The following EDA2R variants were observed in gnomAD, a reference collection of about 807,000 sequenced individuals.
The protein encoded by EDA2R is ectodysplasin A2 receptor, also known as tumor necrosis factor receptor superfamily member 27.
EDA2R carries 26 observed loss-of-function variants against 20.1 expected under a neutral mutation model. The observed-to-expected ratio is 1.30, with a 90% CI of 0.95 to 1.80. The LOEUF is 1.80. EDA2R is among the 40% of genes most tolerant of loss of function. EDA2R has a pLI of 0.00. For missense variants in EDA2R, 277 were observed against 228.7 expected (o/e 1.21, Z -1.36); for synonymous variants, 114 against 88.7 (o/e 1.29, Z -1.60).
chrX:66,629,676 C>A (rs1933517597), intron 1 of EDA2R, among the ~76,000 whole-genome samples: 1 of 111,600 alleles, frequency 9.0e-6, no homozygotes, highest in Non-Finnish European at 1.9e-5. Flanking sequence ...CACAACAGTG[C>A]TGAAAGAAAT....
rs1434845145 is a variant in EDA2R at position 66,615,924 on chromosome X, G to C, written c.87+10C>G. On this transcript the variant is annotated intron_variant, in intron 2 of 6. Coordinates refer to ENST00000374719, the MANE Select transcript of EDA2R (RefSeq NM_021783.5). The stretch of plus-strand genomic sequence containing the variant: ...CAACAGAAATAAGTGTACTGAATAG[G>C]ATAACTTACCTTGGATAGCTCCTGT... 1 of 1,197,223 alleles carries C rather than the reference G, an allele frequency of 8.4e-7. No homozygotes were observed. Among genetic ancestry groups the C allele is most frequent in the Non-Finnish European group, 1.1e-6 (1 of 884,588 alleles).
chrX:66,601,341 G>A (rs1928564125), intron 5 of EDA2R, among the ~76,000 whole-genome samples: 1 of 111,783 alleles, frequency 8.9e-6, no homozygotes, highest in South Asian at 3.8e-4. Context: ...TGGGACACTG[G>A]CCTCCAAAGT....
chrX:66,610,622 G>A (rs1930577132), intron 2 of EDA2R, among the ~76,000 whole-genome samples: 1 of 111,603 alleles, frequency 9.0e-6, no homozygotes, highest in Non-Finnish European at 1.9e-5. Context: ...AAACATTTTT[G>A]AAGCAACTAC....
intron 1 of EDA2R, among the ~76,000 whole-genome samples, chrX:66,634,438 T>G (rs1488876957): frequency 1.8e-5 from 2 of 111,372 alleles, no homozygotes; most frequent in Non-Finnish European, 3.8e-5. Flanking sequence ...CATCCAGCTC[T>G]ACTTGAAGTC....
intron 1 of EDA2R, among the ~76,000 whole-genome samples, chrX:66,636,030 A>G (rs1321403197): frequency 9.1e-6 from 1 of 110,132 alleles, no homozygotes; most frequent in Admixed American, 9.6e-5. Context: ...CCTCCCAAGT[A>G]GCGGGCACTA....
At chrX:66,619,389 T>C (rs745988112) in intron 1 of EDA2R, among the ~76,000 whole-genome samples, 2 of 112,235 alleles carry the variant, frequency 1.8e-5, no homozygotes, top group Non-Finnish European at 3.8e-5. Context: ...TCCGAGACAA[T>C]TGCCTTTGAA....
intron 5 of EDA2R, among the ~76,000 whole-genome samples, chrX:66,600,628 T>G (rs755245875): frequency 8.0e-5 from 9 of 112,048 alleles, no homozygotes; most frequent in African/African-American, 2.9e-4. Context: ...ACTGAACTTC[T>G]GAGCTATGGA....
At position 66,602,750 on chromosome X, in the gene EDA2R, G is replaced by C. The variant is rs200503724; in HGVS notation, c.400C>G (p.Pro134Ala). The change falls in exon 5 of 7, where the codon CCT (proline) becomes GCT (alanine). Residue 134 changes from proline to alanine, a missense_variant. By Grantham distance (27) the Pro-to-Ala change is conservative (BLOSUM62 -1). Coordinates refer to ENST00000374719, the MANE Select transcript of EDA2R (RefSeq NM_021783.5). ...AGTGCAACAAGTGTGGCCTCCTGAG[G>C]GGGCACTGTGGGTGTATCTGCCTCC... ...LVEADTPTVP[P>A]QEATLVALVS... is the part of the protein sequence containing the mutation. 3 of 1,196,614 alleles carry C rather than the reference G, an allele frequency of 2.5e-6. No individual in the cohort carries two copies. Among genetic ancestry groups the C allele is most frequent in the Non-Finnish European group, 2.3e-6 (2 of 887,691 alleles).
Position 66,601,723 on chromosome X carries a change from T to C in EDA2R, c.517+910A>G, listed in dbSNP as rs751933030. Among the ~76,000 whole-genome samples, 7 of 111,419 alleles carry C rather than the reference T, an allele frequency of 6.3e-5. No homozygotes were observed. The South Asian group carries it at 2.7e-3, about 43-fold the overall frequency. The stretch of plus-strand genomic sequence containing the variant: ...TCTCTGATCTGAGTTCCTGTTTCAG[T>C]GTCCCTGCCTAACTCTCAGTTCCCT... On this transcript the variant is annotated intron_variant, in intron 5 of 6. Transcript: ENST00000374719.
chrX:66,618,530 C>T (rs1932092894), intron 1 of EDA2R, among the ~76,000 whole-genome samples: 2 of 112,324 alleles, frequency 1.8e-5, no homozygotes, highest in Non-Finnish European at 3.8e-5. Context: ...CAAAGTATCA[C>T]AAAGGATGTG....
intron 2 of EDA2R, among the ~76,000 whole-genome samples, chrX:66,612,289 A>G (rs1930888799): frequency 8.9e-6 from 1 of 112,155 alleles, no homozygotes; most frequent in Admixed American, 9.5e-5. Flanking sequence ...ATATGGTTGT[A>G]TAAAATGTAC....
chrX:66,616,873 G>A (rs1931782776), intron 1 of EDA2R, among the ~76,000 whole-genome samples: 1 of 112,213 alleles, frequency 8.9e-6, no homozygotes, highest in Admixed American at 9.4e-5. Flanking sequence ...GGGATAGAAT[G>A]TTCTTCACCT....
chrX:66,633,571 G>C (rs1412136210), intron 1 of EDA2R, among the ~76,000 whole-genome samples: 1 of 111,220 alleles, frequency 9.0e-6, no homozygotes, highest in Non-Finnish European at 1.9e-5. Context: ...TATGATTGTT[G>C]TTACTATCCC....
intron 4 of EDA2R, 105 bp downstream of exon 4, chrX:66,604,316 A>G (rs1190561336): frequency 1.6e-6 from 1 of 642,586 alleles, no homozygotes; most frequent in Non-Finnish European, 2.3e-6. Context: ...TTGCCACTCT[A>G]CTCTACATGA....
At position 66,632,329 on chromosome X, in the gene EDA2R, C is replaced by A. The variant is rs944608665; in HGVS notation, c.-11+6666G>T. On this transcript the variant is annotated intron_variant, in intron 1 of 6. Coordinates refer to ENST00000374719, the MANE Select transcript of EDA2R (RefSeq NM_021783.5). ...GTCCCAGCTACTCGGGAGGCTGAGG[C>A]AGGAGAATCGCTTGAACCCTGGAGG... Among the ~76,000 whole-genome samples, 5 of 110,984 alleles carry A rather than the reference C, an allele frequency of 4.5e-5. No homozygotes were observed. The Admixed American group carries it at 4.8e-4, about 11-fold the overall frequency.
intron 6 of EDA2R, 114 bp from the exon 7 acceptor site, chrX:66,598,207 G>C (rs1445017471): frequency 4.3e-6 from 1 of 229,889 alleles, no homozygotes; most frequent in Non-Finnish European, 8.1e-6. Context: ...TGTAATAGCA[G>C]AAAGACATTA....
chrX:66,616,041 A>G lies in EDA2R; in HGVS notation c.-10-11T>C, dbSNP rs376564274. 1.5e-4 allele frequency: 165 copies of G among 1,127,976 alleles called. No individual in the cohort carries two copies. Among genetic ancestry groups the G allele is most frequent in the Non-Finnish European group, 1.9e-4 (153 of 821,987 alleles). The allele number at this position is 1,127,976 out of a possible 1,213,427, so 93.0% of individuals were successfully genotyped here. A position where few individuals can be genotyped will look rare whatever the true frequency, so the allele number is the denominator to read the frequency against. ...TCCATGGTGGGAAGGCTGTGGGTAG[A>G]GAACACAAGAACTAGCAAGCTAGTG... On this transcript the variant is annotated splice_polypyrimidine_tract_variant and intron_variant, in intron 1 of 6. Transcript: ENST00000374719.
At chrX:66,599,903 G>A (rs1928238724) in intron 5 of EDA2R, 43 bp from the exon 6 acceptor site, 2 of 1,181,979 alleles carry the variant, frequency 1.7e-6, no homozygotes, top group African/African-American at 3.5e-5. Context: ...CCAAAAGCAG[G>A]GGCTCTTCTC....
At chrX:66,621,949 G>C (rs1183599438) in intron 1 of EDA2R, among the ~76,000 whole-genome samples, 1 of 111,664 alleles carries the variant, frequency 9.0e-6, no homozygotes, top group African/African-American at 3.3e-5. Context: ...TTAATACTTT[G>C]AATTTATTAT....
Sources: allele counts gnomAD v4.1 joint callset (sites outside exome capture counted in the v4.1 genomes callset), GRCh38; gene constraint gnomAD v4.1.1; transcripts MANE v1.5; gene names NCBI Gene and HGNC (gene_info 2026-07-23, HGNC 2026-07-21).